OFD1: variants seen among roughly 807,000 people sequenced by gnomAD.
OFD1 encodes centriole and centriolar satellite protein OFD1.
Under a neutral mutation model 81.4 loss-of-function variants are expected in OFD1, and 12 were observed. The ratio of observed to expected loss-of-function variants is 0.15; its 90% CI spans 0.09 to 0.24. OFD1 has a LOEUF of 0.24. Among genes scored for constraint, OFD1 ranks in the 10% least tolerant of loss-of-function variants. The pLI is 1.00. For missense variants in OFD1, 685 were observed against 733.9 expected, an observed-to-expected ratio of 0.93 and a Z score of 0.77; for synonymous variants, 256 against 263.7, an observed-to-expected ratio of 0.97 and a Z score of 0.28.
intron 19 of OFD1, among the ~76,000 whole-genome samples, chrX:13,766,613 T>G (rs187553735): frequency 1.8e-5 from 2 of 110,900 alleles, no homozygotes; most frequent in Non-Finnish European, 3.8e-5. Flanking sequence ...AAGTGGGGAA[T>G]GAACAGTGAG....
intron 8 of OFD1, among the ~76,000 whole-genome samples, chrX:13,748,608 G>A (rs2047383696): frequency 9.0e-6 from 1 of 111,656 alleles, no homozygotes; most frequent in African/African-American, 3.3e-5. Flanking sequence ...CATGTCATAG[G>A]TAGTTAGTAA....
chrX:13,716,726 C>T, the OFD1 span: 15 of 1,176,665 alleles, frequency 1.3e-5, no homozygotes, highest in Middle Eastern at 2.3e-4. Context: ...CATATGGCAT[C>T]GAGAATGCTG....
chrX:13,765,530 G>A (rs1216493740), intron 19 of OFD1, among the ~76,000 whole-genome samples: 1 of 111,490 alleles, frequency 9.0e-6, no homozygotes, highest in Non-Finnish European at 1.9e-5. Context: ...AGATGGGGGA[G>A]AGAGAGAAGA....
At chrX:13,715,881 G>C in the OFD1 span, 2 of 1,038,821 alleles carry the variant, frequency 1.9e-6, no homozygotes, top group South Asian at 5.1e-5. Context: ...AGATAGTTCT[G>C]ATGGGGGAAA....
intron 3 of OFD1, among the ~76,000 whole-genome samples, chrX:13,738,521 C>G (rs2046964320): frequency 8.9e-6 from 1 of 112,312 alleles, no homozygotes; most frequent in Non-Finnish European, 1.9e-5. Flanking sequence ...TTGAATGACC[C>G]AGGAACTCAG....
rs780579407 is a variant in OFD1, at chrX:13,769,227, T to C, written c.*119T>C. 1 of 608,789 alleles carries C rather than the reference T, an allele frequency of 1.6e-6. No homozygotes were observed. Among genetic ancestry groups the C allele is most frequent in the Admixed American group, 2.7e-5 (1 of 36,594 alleles). The allele number at this position is 608,789 out of a possible 1,213,427, so 50.2% of individuals were successfully genotyped here. ...CAATAAAAATGTGTGTAATCCAATGTGGGTTTTTTTTTCCATAATTAATTT... is the reference window on the plus strand; with the variant it reads ...CAATAAAAATGTGTGTAATCCAATGCGGGTTTTTTTTTCCATAATTAATTT... On this transcript the variant is annotated 3_prime_UTR_variant, in exon 23 of 23. Transcript: ENST00000340096.
chrX:13,733,519 T>C (rs1047189215), upstream of OFD1, among the ~76,000 whole-genome samples: 1 of 111,970 alleles, frequency 8.9e-6, no homozygotes, highest in African/African-American at 3.3e-5. Context: ...CAACAAAAAC[T>C]TACAGGTTCT....
At chrX:13,754,444 T>C (rs1338107326) in intron 11 of OFD1, among the ~76,000 whole-genome samples, 2 of 101,174 alleles carry the variant, frequency 2.0e-5, no homozygotes, top group Non-Finnish European at 3.9e-5. Flanking sequence ...AGAGACGGAG[T>C]CTTGCTCTGT....
intron 3 of OFD1, 140 bp downstream of exon 3, chrX:13,736,818 CATAAT>C: frequency 4.2e-6 from 2 of 474,331 alleles, no homozygotes; most frequent in East Asian, 7.3e-5. Context: ...TGTACCTGCA[CATAAT>C]ATATTTGTTA....
chrX:13,724,964 G>A, the OFD1 span, among the ~76,000 whole-genome samples: 12 of 113,329 alleles, frequency 1.1e-4, no homozygotes, highest in Non-Finnish European at 2.1e-4. Context: ...TGCCTGGCTC[G>A]GCAGGTCCCA....
At chrX:13,735,564 T>A (rs1354817671) in intron 2 of OFD1, among the ~76,000 whole-genome samples, 1 of 112,632 alleles carries the variant, frequency 8.9e-6, no homozygotes, top group Non-Finnish European at 1.9e-5. Context: ...TAAAGGAGCA[T>A]ATTCAAATAA....
At chrX:13,762,846 C>T (rs1457902974) in intron 18 of OFD1, among the ~76,000 whole-genome samples, 1 of 111,606 alleles carries the variant, frequency 9.0e-6, no homozygotes, top group Non-Finnish European at 1.9e-5. Context: ...TGCAATCTCC[C>T]TCCTCCTCCC....
In OFD1 at chrX:13,749,420, T is replaced by G. The variant is rs2047421366; in HGVS notation, c.829-7T>G. The G allele has an allele frequency of 9.2e-7, 1 of 1,081,816 alleles. No homozygotes were observed. The highest frequency in any genetic ancestry group is 1.3e-6 in the Non-Finnish European group (1 of 778,692). 89.2% of individuals were successfully genotyped at this position (1,081,816 alleles called of 1,213,427 possible). ...TGCTTGCTAAAAATTAATGCTTTTC[T>G]ATACAGATTGAAACAAAAGAAATTT... On this transcript the variant is annotated splice_region_variant and splice_polypyrimidine_tract_variant and intron_variant, in intron 8 of 22. Coordinates refer to ENST00000340096, the MANE Select transcript of OFD1 (RefSeq NM_003611.3).
At chrX:13,729,980 C>G (rs2046639905), upstream of OFD1, among the ~76,000 whole-genome samples, 1 of 111,690 alleles carries the variant, frequency 9.0e-6, no homozygotes, top group African/African-American at 3.3e-5. Context: ...AGAGGAAAAC[C>G]TAGGCAATAC....
In OFD1 at chrX:13,753,394, A is replaced by G; in HGVS notation, c.1082A>G (p.Tyr361Cys). ...TATCAACTTGAACTGAAGGATGACT[A>G]CATCATTAGAACTAATCGACTGATT... ...LKYQLELKDDYIIRTNRLIED... is the reference protein window; with the variant it reads ...LKYQLELKDDCIIRTNRLIED... Residue 361 changes from tyrosine to cysteine, a missense_variant, in exon 11 of 23, where the codon TAC (tyrosine) becomes TGC (cysteine). By Grantham distance (194) the Tyr-to-Cys change is radical. Transcript: ENST00000340096. 5.0e-6 allele frequency: 6 copies of G among 1,208,407 alleles called. No homozygotes were observed. Among genetic ancestry groups the G allele is most frequent in the Middle Eastern group, 2.5e-4 (1 of 4,010 alleles).
chrX:13,717,702 G>C, the OFD1 span, among the ~76,000 whole-genome samples: 1 of 111,406 alleles, frequency 9.0e-6, no homozygotes, highest in Non-Finnish European at 1.9e-5. Context: ...TCACGCCATT[G>C]CACTCCAGCC....
At chrX:13,756,298 A>T (rs761651509) in intron 12 of OFD1, among the ~76,000 whole-genome samples, 1 of 111,603 alleles carries the variant, frequency 9.0e-6, no homozygotes, top group Admixed American at 9.5e-5. Flanking sequence ...TATTGCTATG[A>T]TGTGTGATTA....
chrX:13,757,708 G>A lies in OFD1; in HGVS notation c.1460G>A (p.Arg487Gln), dbSNP rs147104722. ...CTTGCAGTCTTTCAGAAAGAACTAC[G>A]GAAAGCCGAAAAGGCTATAGTGGTT... The part of the protein sequence containing the change: ...PELAVFQKEL[R>Q]KAEKAIVVEH... The change falls in exon 14 of 23, where the codon CGG (arginine) becomes CAG (glutamine). Residue 487 changes from arginine to glutamine, a missense_variant. Transcript: ENST00000340096. 112 of 1,207,816 alleles carry A rather than the reference G, an allele frequency of 9.3e-5. No individual in the cohort carries two copies. Among genetic ancestry groups the A allele is most frequent in the Non-Finnish European group, 1.2e-4 (106 of 894,473 alleles).
Position 13,751,194 on chromosome X carries a change from T to C in OFD1, c.936-55T>C, listed in dbSNP as rs369151066. The C allele has an allele frequency of 2.1e-4, 245 of 1,145,003 alleles. No individual in the cohort carries two copies. In the East Asian group the frequency reaches 5.9e-3, roughly 28 times the overall value. 94.4% of individuals were successfully genotyped at this position (1,145,003 alleles called of 1,213,427 possible). On this transcript the variant is annotated intron_variant, in intron 9 of 22. Transcript: ENST00000340096. ...TAGACACATGTGATTTTTTCCTAAA[T>C]TTGTTAGCTCAGCTATGGTAGTTTA...
Sources: allele counts gnomAD v4.1 joint callset (sites outside exome capture counted in the v4.1 genomes callset), GRCh38; gene constraint gnomAD v4.1.1; transcripts MANE v1.5; gene names NCBI Gene and HGNC (gene_info 2026-07-23, HGNC 2026-07-21).